LMOD1: variants seen among roughly 807,000 people sequenced by gnomAD.
The protein encoded by LMOD1 is leiomodin-1.
In LMOD1, 8 loss-of-function variants were observed where a neutral mutation model predicts 36.5. That is an observed-to-expected ratio of 0.22 (90% CI 0.13 to 0.40). The LOEUF is 0.40. Among genes scored for constraint, LMOD1 ranks in the 10% least tolerant of loss-of-function variants. The pLI, the probability that LMOD1 is intolerant of heterozygous loss-of-function variation, is 1.00. For missense variants in LMOD1, 630 were observed against 751.1 expected, an observed-to-expected ratio of 0.84 and a Z score of 1.88; for synonymous variants, 284 against 288.7, an observed-to-expected ratio of 0.98 and a Z score of 0.17.
At chr1:201,909,136 T>A (rs1327707586) in intron 1 of LMOD1, among the ~76,000 whole-genome samples, 3 of 152,046 alleles carry the variant, frequency 2.0e-5, no homozygotes, top group Non-Finnish European at 4.4e-5. Context: ...AAAGCTGTGC[T>A]CCTGCAGGCA....
chr1:201,921,932 C>T (rs897674055), intron 1 of LMOD1, among the ~76,000 whole-genome samples: 1 of 150,694 alleles, frequency 6.6e-6, no homozygotes, highest in Non-Finnish European at 1.5e-5. Flanking sequence ...TGCACTCCAG[C>T]CTGGGCGACA....
In LMOD1 at chr1:201,934,179, A is replaced by G. The variant is rs149308653; in HGVS notation, c.261+11901T>C. Among the ~76,000 whole-genome samples, 1,280 of 152,248 alleles carry G rather than the reference A, an allele frequency of 8.4e-3. 21 individuals carry two copies. The highest frequency in any genetic ancestry group is 0.028 in the African/African-American group (1,147 of 41,542). On this transcript the variant is annotated intron_variant, in intron 1 of 2. Transcript: ENST00000367288. ...AGATTTCATGTCCGGAAGTACTTTC[A>G]TGTTTTCTCTGCCCTCATCCGGGGA...
chr1:201,901,511 A>ATAT (rs1553295628), intron 1 of LMOD1, among the ~76,000 whole-genome samples: 7 of 75,204 alleles, frequency 9.3e-5, no homozygotes, highest in African/African-American at 4.4e-4. Flanking sequence ...TCAAAAAAAA[A>ATAT]ATATATATAT....
chr1:201,930,255 G>A (rs927064210), intron 1 of LMOD1, among the ~76,000 whole-genome samples: 1 of 152,218 alleles, frequency 6.6e-6, no homozygotes, highest in Non-Finnish European at 1.5e-5. Context: ...AAGGTCAACT[G>A]TGGGGAGGAT....
Position 201,946,434 on chromosome 1 carries a change from C to A in LMOD1, c.-94G>T. Reference sequence around the variant, plus strand: ...AGCTGATCTGGATGCAGCGAGTGGGCTGAGGAGCAAACCTCCTGCTGGTCG... The same window carrying A: ...AGCTGATCTGGATGCAGCGAGTGGGATGAGGAGCAAACCTCCTGCTGGTCG... On this transcript the variant is annotated 5_prime_UTR_variant, in exon 1 of 3. Coordinates refer to ENST00000367288, the MANE Select transcript of LMOD1 (RefSeq NM_012134.3). 7.4e-7 allele frequency: 1 copy of A among 1,354,784 alleles called. No homozygotes were observed. Among genetic ancestry groups the A allele is most frequent in the Non-Finnish European group, 1.0e-6 (1 of 983,230 alleles). 83.9% of individuals were successfully genotyped at this position (1,354,784 alleles called of 1,614,324 possible).
chr1:201,946,494 G>A lies in LMOD1; in HGVS notation c.-154C>T. 10 of 749,466 alleles carry A rather than the reference G, an allele frequency of 1.3e-5. No homozygotes were observed. Among genetic ancestry groups the A allele is most frequent in the Non-Finnish European group, 2.1e-5 (10 of 469,804 alleles). 46.4% of individuals were successfully genotyped at this position (749,466 alleles called of 1,614,324 possible). A position where few individuals can be genotyped will look rare whatever the true frequency, so the allele number is the denominator to read the frequency against. ...GCTCCTTGGCCCTTCTGTGCTACAGGTGCTGAAGTGTTCACTGGACGCAGC... is the reference window on the plus strand; with the variant it reads ...GCTCCTTGGCCCTTCTGTGCTACAGATGCTGAAGTGTTCACTGGACGCAGC... On this transcript the variant is annotated 5_prime_UTR_variant, in exon 1 of 3. Transcript: ENST00000367288.
At chr1:201,924,162 A>T (rs1014537911) in intron 1 of LMOD1, among the ~76,000 whole-genome samples, 14 of 146,136 alleles carry the variant, frequency 9.6e-5, no homozygotes, top group Non-Finnish European at 1.2e-4. Context: ...TAAAATACCA[A>T]AAAAAAAAAA....
intron 1 of LMOD1, among the ~76,000 whole-genome samples, chr1:201,938,839 C>G (rs549540443): frequency 6.6e-6 from 1 of 152,308 alleles, no homozygotes; most frequent in Admixed American, 6.5e-5. Flanking sequence ...GCCCCAGGGA[C>G]AGCTGAAGCC....
intron 1 of LMOD1, among the ~76,000 whole-genome samples, chr1:201,928,619 C>CATTG (rs1345920668): frequency 5.3e-5 from 8 of 152,196 alleles, no homozygotes; most frequent in South Asian, 2.1e-4. Flanking sequence ...GATCTAGAGG[C>CATTG]AATGCTGCTG....
Position 201,899,580 on chromosome 1 carries a change from C to T in LMOD1, c.1433G>A (p.Arg478Gln), listed in dbSNP as rs1363706242. ...CTGTGCCTGCCTTTGCTCCTGCAGC[C>T]GCTTTTGTCTCTGCTTGTCCATGTT... ...SRNMDKQRQKRLQEQRQAQEA... is the reference protein window; with the variant it reads ...SRNMDKQRQKQLQEQRQAQEA... The change falls in exon 2 of 3, where the codon CGG becomes CAG. Residue 478 changes from arginine to glutamine, a missense_variant. Physicochemically the swap from Arg to Gln is conservative, Grantham distance 43. Transcript: ENST00000367288. This position sits in a 1 kb window ranked among gnomAD's most constrained non-coding sequence, Gnocchi z 6.3. 1.9e-6 allele frequency: 3 copies of T among 1,613,012 alleles called. No individual in the cohort carries two copies. The highest frequency in any genetic ancestry group is 2.5e-6 in the Non-Finnish European group (3 of 1,179,516).
chr1:201,935,976 G>C (rs1330313042), intron 1 of LMOD1, among the ~76,000 whole-genome samples: 1 of 151,146 alleles, frequency 6.6e-6, no homozygotes, highest in Non-Finnish European at 1.5e-5. Context: ...TTAGCCGGGC[G>C]TGGTGGCAGG....
chr1:201,946,547 A>G lies in LMOD1; in HGVS notation c.-207T>C. On this transcript the variant is annotated 5_prime_UTR_variant, in exon 1 of 3. Transcript: ENST00000367288. ...CCTCCCTGAAGCCCAGGGCTAGTGG[A>G]CCCCGGCTGGTCTAATCAGCGGCCA... 1 of 579,668 alleles carries G rather than the reference A, an allele frequency of 1.7e-6. No individual in the cohort carries two copies. Among genetic ancestry groups the G allele is most frequent in the East Asian group, 2.8e-5 (1 of 35,324 alleles). The allele number at this position is 579,668 out of a possible 1,614,324, so 35.9% of individuals were successfully genotyped here. A position where few individuals can be genotyped will look rare whatever the true frequency, so the allele number is the denominator to read the frequency against.
intron 1 of LMOD1, among the ~76,000 whole-genome samples, chr1:201,941,295 C>T (rs1198010651): frequency 2.0e-5 from 3 of 152,024 alleles, no homozygotes; most frequent in African/African-American, 7.2e-5. Flanking sequence ...CAGAAGAAAA[C>T]GTATAATAAC....
At chr1:201,916,069 C>T (rs1218949737) in intron 1 of LMOD1, among the ~76,000 whole-genome samples, 1 of 151,972 alleles carries the variant, frequency 6.6e-6, no homozygotes, top group Non-Finnish European at 1.5e-5. Context: ...AGGCATGCAC[C>T]ACCACACCCA....
chr1:201,910,537 G>A (rs2102914282), intron 1 of LMOD1, among the ~76,000 whole-genome samples: 1 of 152,128 alleles, frequency 6.6e-6, no homozygotes, highest in South Asian at 2.1e-4. Flanking sequence ...TCCTGCCTCA[G>A]CCTCCCAAAG....
intron 1 of LMOD1, among the ~76,000 whole-genome samples, chr1:201,918,950 T>C (rs900961193): frequency 6.6e-6 from 1 of 152,184 alleles, no homozygotes; most frequent in Admixed American, 6.5e-5. Context: ...TGGAGTGTAG[T>C]GGTATGATCA....
intron 1 of LMOD1, among the ~76,000 whole-genome samples, chr1:201,920,100 A>T (rs1433679967): frequency 9.0e-6 from 1 of 110,934 alleles, no homozygotes; most frequent in Non-Finnish European, 1.7e-5. Flanking sequence ...CTTGTCACCC[A>T]GGCAGCTGGG....
In LMOD1 at chr1:201,900,241, C is replaced by T; in HGVS notation, c.772G>A (p.Gly258Arg). The part of the protein sequence containing the change: ...MKKEDEKVKR[G>R]TGNTDTKKDD... ...TTTTTGGTGTCTGTGTTCCCAGTTC[C>T]TCTTTTTACCTTCTCATCCTCCTTT... The change falls in exon 2 of 3, where the codon GGA becomes AGA. Residue 258 changes from glycine to arginine, a missense_variant. By Grantham distance (125) the Gly-to-Arg change is moderately radical. Around this residue, in one of 3 missense-constraint regions of LMOD1, gnomAD observed 405 missense variants for 400.6 expected, o/e 1.01. Transcript: ENST00000367288. The T allele has an allele frequency of 6.2e-7, 1 of 1,613,802 alleles. No homozygotes were observed. The highest frequency in any genetic ancestry group is 1.3e-5 in the African/African-American group (1 of 74,970).
Position 201,910,858 on chromosome 1 carries a change from G to A in LMOD1, c.262-10107C>T, listed in dbSNP as rs542193166. Among the ~76,000 whole-genome samples the A allele has an allele frequency of 1.4e-4, 20 of 138,788 alleles. 2 individuals are homozygous for A. Among genetic ancestry groups the A allele is most frequent in the South Asian group, 7.2e-4 (3 of 4,174 alleles). 91.1% of individuals were successfully genotyped at this position (138,788 alleles called of 152,430 possible). ...TAACCTCTGCCTCCTGGGTTCAAGC[G>A]ATTCTCCTGCCTCAGCCTCCCGAAT... On this transcript the variant is annotated intron_variant, in intron 1 of 2. Transcript: ENST00000367288.
Sources: allele counts gnomAD v4.1 joint callset (sites outside exome capture counted in the v4.1 genomes callset), GRCh38; gene constraint gnomAD v4.1.1; regional missense constraint gnomAD v4.1.1; non-coding constraint Gnocchi (gnomAD v3.1); transcripts MANE v1.5; gene names NCBI Gene and HGNC (gene_info 2026-07-23, HGNC 2026-07-21).